DCC: variants seen among roughly 807,000 people sequenced by gnomAD.
DCC encodes the protein netrin receptor DCC.
Under a neutral mutation model 172.5 loss-of-function variants are expected in DCC, and 58 were observed. The observed-to-expected ratio is 0.34, with a 90% CI of 0.27 to 0.42. DCC has a LOEUF of 0.42. DCC is among the 10% of genes least tolerant of loss of function. The pLI is 1.00. For synonymous variants in DCC, 709 were observed against 644.5 expected, an observed-to-expected ratio of 1.10 and a Z score of -1.52; for missense variants, 1,740 against 1,791.0, an observed-to-expected ratio of 0.97 and a Z score of 0.51.
At chr18:52,963,828 G>GCT (rs1555688576) in intron 5 of DCC, among the ~76,000 whole-genome samples, 1 of 145,634 alleles carries the variant, frequency 6.9e-6, no homozygotes, top group African/African-American at 2.5e-5. Context: ...ATTATCTCTA[G>GCT]TTTTTTTTTT....
chr18:52,402,234 T>TA (rs1361604107), intron 1 of DCC, among the ~76,000 whole-genome samples: 1 of 152,036 alleles, frequency 6.6e-6, no homozygotes, highest in Admixed American at 6.6e-5. Flanking sequence ...GGTGGTAGTA[T>TA]AGTGTGATAA....
chr18:52,700,985 T>G (rs2036114854), intron 1 of DCC, among the ~76,000 whole-genome samples: 1 of 152,188 alleles, frequency 6.6e-6, no homozygotes, highest in African/African-American at 2.4e-5. Context: ...ACAAACATAT[T>G]GTCATGGTAA....
intron 7 of DCC, among the ~76,000 whole-genome samples, chr18:53,093,303 A>G (rs1400760676): frequency 6.6e-6 from 1 of 152,206 alleles, no homozygotes; most frequent in African/African-American, 2.4e-5. Context: ...TATAAAATAA[A>G]TAATAAAATG....
intron 7 of DCC, among the ~76,000 whole-genome samples, chr18:53,083,179 G>A (rs778923781): frequency 2.6e-5 from 4 of 151,986 alleles, no homozygotes; most frequent in Non-Finnish European, 4.4e-5. Context: ...TTTGTTTTTC[G>A]ATTGTTCCAA....
intron 1 of DCC, among the ~76,000 whole-genome samples, chr18:52,358,426 T>C (rs1311112382): frequency 6.6e-6 from 1 of 152,230 alleles, no homozygotes; most frequent in African/African-American, 2.4e-5. Flanking sequence ...CCGCCTTTTT[T>C]GTGCCTTTGT....
intron 7 of DCC, among the ~76,000 whole-genome samples, chr18:53,077,447 T>G (rs999398185): frequency 3.3e-5 from 5 of 152,144 alleles, no homozygotes; most frequent in African/African-American, 1.2e-4. Context: ...CAATAGTGAT[T>G]GAAAACATGG....
chr18:52,476,237 G>T (rs1274761433), intron 1 of DCC, among the ~76,000 whole-genome samples: 1 of 152,142 alleles, frequency 6.6e-6, no homozygotes, highest in Non-Finnish European at 1.5e-5. Context: ...TGGCCACATT[G>T]TCTCTTTTCC....
intron 5 of DCC, among the ~76,000 whole-genome samples, chr18:53,057,079 T>TAAAAAAAAAAAAAAAAAAAAAAAA (rs11316527): frequency 3.4e-5 from 3 of 89,328 alleles, no homozygotes; most frequent in African/African-American, 8.5e-5. Context: ...CTTCTAAAAG[T>TAAAAAAAAAAAAAAAAAAAAAAAA]AAAAAAAAAA....
intron 1 of DCC, among the ~76,000 whole-genome samples, chr18:52,620,361 A>G (rs948460676): frequency 1.3e-5 from 2 of 152,232 alleles, no homozygotes; most frequent in African/African-American, 4.8e-5. Context: ...GTTTTGCTGC[A>G]GACCATAGCC....
At chr18:52,714,990 C>T (rs894831168) in intron 1 of DCC, among the ~76,000 whole-genome samples, 7 of 152,068 alleles carry the variant, frequency 4.6e-5, no homozygotes, top group African/African-American at 1.2e-4. Flanking sequence ...AAGATATGAT[C>T]GCTACATAGG....
intron 2 of DCC, among the ~76,000 whole-genome samples, chr18:52,828,703 T>A (rs534891656): frequency 1.2e-4 from 18 of 152,290 alleles, no homozygotes; most frequent in African/African-American, 4.1e-4. Context: ...TATAATTATT[T>A]AATGCAAATG....
chr18:53,476,108 C>T, intron 25 of DCC, among the ~76,000 whole-genome samples: 1 of 152,166 alleles, frequency 6.6e-6, no homozygotes, highest in South Asian at 2.1e-4. Context: ...CTGTATTTAC[C>T]AAATGCCTGT....
At chr18:53,162,368 T>C (rs2054855513) in intron 8 of DCC, among the ~76,000 whole-genome samples, 1 of 152,050 alleles carries the variant, frequency 6.6e-6, no homozygotes, top group Non-Finnish European at 1.5e-5. Flanking sequence ...TACCCACTTC[T>C]TAAGTACAAC....
At chr18:53,102,639 C>T (rs1385705643) in intron 7 of DCC, among the ~76,000 whole-genome samples, 1 of 152,064 alleles carries the variant, frequency 6.6e-6, no homozygotes, top group Non-Finnish European at 1.5e-5. Flanking sequence ...GGTCAGACCA[C>T]ATCTATTTTC....
chr18:53,285,325 G>T (rs1392730768), intron 12 of DCC, among the ~76,000 whole-genome samples: 1 of 152,150 alleles, frequency 6.6e-6, no homozygotes, highest in Non-Finnish European at 1.5e-5. Flanking sequence ...ATTGTGTGCA[G>T]TCTAGGGACT....
At chr18:53,206,608 T>G (rs961821909) in intron 10 of DCC, among the ~76,000 whole-genome samples, 2 of 85,116 alleles carry the variant, frequency 2.3e-5, no homozygotes, top group East Asian at 4.1e-4. Context: ...AATACATATC[T>G]ATGTATAATA....
At chr18:53,385,168 C>T (rs1345141764) in intron 15 of DCC, among the ~76,000 whole-genome samples, 3 of 151,982 alleles carry the variant, frequency 2.0e-5, no homozygotes, top group East Asian at 3.9e-4. Flanking sequence ...ATACATAGAG[C>T]TCCCTGTCCT....
At chr18:53,271,767 C>T (rs1485732092) in intron 12 of DCC, among the ~76,000 whole-genome samples, 1 of 152,076 alleles carries the variant, frequency 6.6e-6, no homozygotes, top group Admixed American at 6.6e-5. Context: ...GGGGATTACA[C>T]AAGAGTAAGG....
At chr18:53,099,475 C>T (rs1296928625) in intron 7 of DCC, among the ~76,000 whole-genome samples, 2 of 152,044 alleles carry the variant, frequency 1.3e-5, no homozygotes, top group Non-Finnish European at 2.9e-5. Flanking sequence ...CATGGAGATC[C>T]CCAGAATATA....
Sources: allele counts gnomAD v4.1 joint callset (sites outside exome capture counted in the v4.1 genomes callset), GRCh38; gene constraint gnomAD v4.1.1; transcripts MANE v1.5; gene names NCBI Gene and HGNC (gene_info 2026-07-23, HGNC 2026-07-21).